CAMK4: variants seen among roughly 807,000 people sequenced by gnomAD.
The protein encoded by CAMK4 is calcium/calmodulin dependent protein kinase IV.
CAMK4 carries 22 observed loss-of-function variants against 44.9 expected under a neutral mutation model. The ratio of observed to expected loss-of-function variants is 0.49; its 90% CI spans 0.35 to 0.70. The LOEUF is 0.70. CAMK4 is among the 30% of genes least tolerant of loss of function. The pLI is 0.01. For synonymous variants in CAMK4, 218 were observed against 215.4 expected, an observed-to-expected ratio of 1.01 and a Z score of -0.11; for missense variants, 498 against 586.8, an observed-to-expected ratio of 0.85 and a Z score of 1.56.
At chr5:111,437,670 C>T (rs757097962) in intron 5 of CAMK4, among the ~76,000 whole-genome samples, 1 of 151,966 alleles carries the variant, frequency 6.6e-6, no homozygotes, top group African/African-American at 2.4e-5. Context: ...GAGAGCTGGC[C>T]AGATGAAGAA....
chr5:111,462,577 A>C (rs145768942), intron 7 of CAMK4, among the ~76,000 whole-genome samples: 50 of 152,362 alleles, frequency 3.3e-4, no homozygotes, highest in African/African-American at 1.2e-3. Flanking sequence ...TAATAGTGTG[A>C]AAGCTCTTCT....
In CAMK4 at chr5:111,462,161, T is replaced by C. The variant is rs933421224; in HGVS notation, c.626-11150T>C. ...ATAACTTTTTCCACTTGCAAGTCTA[T>C]TCTCTTTTCCTTCAACCTCTTCCCC... On this transcript the variant is annotated intron_variant, in intron 7 of 10. Coordinates refer to ENST00000282356, the MANE Select transcript of CAMK4 (RefSeq NM_001744.6). Among the ~76,000 whole-genome samples the C allele has an allele frequency of 2.0e-5, 3 of 152,312 alleles. No individual in the cohort carries two copies. In the South Asian group the frequency reaches 6.2e-4, roughly 32 times the overall value.
At chr5:111,337,224 A>G (rs1749445285) in intron 1 of CAMK4, among the ~76,000 whole-genome samples, 2 of 151,212 alleles carry the variant, frequency 1.3e-5, no homozygotes, top group African/African-American at 4.8e-5. Context: ...CACCATATGG[A>G]TGTATCACAA....
At chr5:111,248,921 G>A (rs1749357963) in intron 1 of CAMK4, among the ~76,000 whole-genome samples, 2 of 151,366 alleles carry the variant, frequency 1.3e-5, no homozygotes. Context: ...CTGTATCCTG[G>A]ATCTCTGTTA....
intron 1 of CAMK4, among the ~76,000 whole-genome samples, chr5:111,330,280 CTT>C (rs1749108967): frequency 6.6e-6 from 1 of 151,320 alleles, no homozygotes; most frequent in Non-Finnish European, 1.5e-5. Flanking sequence ...TGAACTGTAA[CTT>C]TAACAAAAGA....
chr5:111,385,355 A>T lies in CAMK4; in HGVS notation c.386+8413A>T, dbSNP rs549318425. On this transcript the variant is annotated intron_variant, in intron 4 of 10. Transcript: ENST00000282356. ...AGTAAAATCTTTTGAGCTGACTCTT[A>T]TGTGAGAAATTGGAAATTAGCAGGC... is the stretch of plus-strand genomic sequence containing the variant. Among the ~76,000 whole-genome samples the T allele has an allele frequency of 7.2e-5, 11 of 152,196 alleles. No homozygotes were observed. In the South Asian group the frequency reaches 2.1e-3, roughly 29 times the overall value.
In CAMK4 at chr5:111,322,359, A is replaced by G. The variant is rs1003245633; in HGVS notation, c.162-21665A>G. On this transcript the variant is annotated intron_variant, in intron 1 of 10. Transcript: ENST00000282356. Reference sequence around the variant, plus strand: ...CCTCAGATATTTATTTGAGACCTCAAAACGATCACACTTAAATAAGAAGGA... The same window carrying G: ...CCTCAGATATTTATTTGAGACCTCAGAACGATCACACTTAAATAAGAAGGA... Among the ~76,000 whole-genome samples the G allele has an allele frequency of 5.3e-5, 8 of 152,248 alleles. 1 individual carries two copies. The East Asian group carries it at 5.8e-4, about 11-fold the overall frequency.
chr5:111,340,350 G>A (rs1749587484), intron 1 of CAMK4, among the ~76,000 whole-genome samples: 1 of 151,050 alleles, frequency 6.6e-6, no homozygotes, highest in Non-Finnish European at 1.5e-5. Flanking sequence ...TATTAGCTGT[G>A]GAATTGTCAT....
intron 1 of CAMK4, among the ~76,000 whole-genome samples, chr5:111,254,595 T>G (rs1314201721): frequency 6.6e-6 from 1 of 152,192 alleles, no homozygotes. Context: ...AGAAGGAAAC[T>G]GAAGAACCAA....
At chr5:111,226,749 C>CT (rs1258625166) in intron 1 of CAMK4, among the ~76,000 whole-genome samples, 5 of 152,342 alleles carry the variant, frequency 3.3e-5, no homozygotes, top group African/African-American at 4.8e-5. Flanking sequence ...CTGTGGTTAA[C>CT]TGGGAGCTGT....
chr5:111,455,041 A>G (rs1228429831), intron 7 of CAMK4, among the ~76,000 whole-genome samples: 2 of 152,230 alleles, frequency 1.3e-5, no homozygotes, highest in Admixed American at 1.3e-4. Context: ...TCCTACTGGC[A>G]TAACTCAGAG....
intron 2 of CAMK4, among the ~76,000 whole-genome samples, chr5:111,374,594 A>T (rs1751139196): frequency 6.6e-6 from 1 of 152,132 alleles, no homozygotes; most frequent in Admixed American, 6.6e-5. Context: ...GACTTTTGAT[A>T]GGAAAGTGGG....
chr5:111,397,667 G>A (rs1017691230), intron 5 of CAMK4, among the ~76,000 whole-genome samples: 2 of 128,316 alleles, frequency 1.6e-5, no homozygotes, highest in African/African-American at 6.3e-5. Flanking sequence ...GTGTGTGTGT[G>A]TGTGTGTGTG....
At chr5:111,309,323 A>T (rs1748099524) in intron 1 of CAMK4, among the ~76,000 whole-genome samples, 1 of 152,182 alleles carries the variant, frequency 6.6e-6, no homozygotes, top group African/African-American at 2.4e-5. Flanking sequence ...GGTGGGCAGG[A>T]CAGGGTGAAT....
intron 2 of CAMK4, 123 bp downstream of exon 2, chr5:111,344,225 G>A (rs140481382): frequency 3.6e-6 from 2 of 558,004 alleles, no homozygotes; most frequent in African/African-American, 3.9e-5. Flanking sequence ...TTTGACTCTT[G>A]ATTACGGGAG....
At position 111,411,197 on chromosome 5, in the gene CAMK4, C is replaced by A. The variant is rs74840251; in HGVS notation, c.459+16415C>A. 6.0e-3 allele frequency among the ~76,000 whole-genome samples: 909 copies of A among 152,282 alleles called. 13 individuals carry two copies. Among genetic ancestry groups the A allele is most frequent in the African/African-American group, 0.02 (837 of 41,566 alleles). ...GTTCTCACTCACACCTACTGAGATC[C>A]TTTACCAAGACATGGGACACAGACA... On this transcript the variant is annotated intron_variant, in intron 5 of 10. Coordinates refer to ENST00000282356, the MANE Select transcript of CAMK4 (RefSeq NM_001744.6).
In CAMK4 at chr5:111,344,161, G is replaced by T; in HGVS notation, c.240+59G>T. The T allele has an allele frequency of 2.0e-6, 2 of 1,024,972 alleles. 1 individual carries two copies. The highest frequency in any genetic ancestry group is 2.6e-5 in the South Asian group (2 of 75,990). 63.5% of individuals were successfully genotyped at this position (1,024,972 alleles called of 1,614,324 possible). Reference sequence around the variant, plus strand: ...GGGGCCTGTGACCTGGAGAAGGCAGGAACCTGATTTGAAGAACAAAGGGGC... The same window carrying T: ...GGGGCCTGTGACCTGGAGAAGGCAGTAACCTGATTTGAAGAACAAAGGGGC... On this transcript the variant is annotated intron_variant, in intron 2 of 10. Transcript: ENST00000282356.
At chr5:111,281,326 T>C (rs999955201) in intron 1 of CAMK4, among the ~76,000 whole-genome samples, 3 of 152,242 alleles carry the variant, frequency 2.0e-5, no homozygotes, top group African/African-American at 4.8e-5. Flanking sequence ...TGCTTTCCTG[T>C]ATTAGCTTTA....
intron 7 of CAMK4, among the ~76,000 whole-genome samples, chr5:111,453,446 ACTCT>A (rs1434247007): frequency 1.3e-5 from 2 of 152,166 alleles, no homozygotes; most frequent in African/African-American, 2.4e-5. Context: ...ACAGATAGAT[ACTCT>A]CATCAGTCTG....
Sources: gnomAD v4.1 joint callset for allele counts (sites outside exome capture counted in the v4.1 genomes callset) on GRCh38, gnomAD v4.1.1 for gene constraint, MANE v1.5 for transcripts, NCBI Gene and HGNC (gene_info 2026-07-23, HGNC 2026-07-21) for gene names.